PTPRD: variants seen among roughly 807,000 people sequenced by gnomAD.
The protein encoded by PTPRD is protein tyrosine phosphatase receptor type D.
Under a neutral mutation model 214.5 loss-of-function variants are expected in PTPRD, and 34 were observed. The ratio of observed to expected loss-of-function variants is 0.16; its 90% confidence interval spans 0.12 to 0.21. The LOEUF (loss-of-function observed/expected upper bound fraction) is 0.21. PTPRD is among the 10% of genes least tolerant of loss of function. The pLI, the probability that PTPRD is intolerant of heterozygous loss-of-function variation, is 1.00. For missense variants in PTPRD, 2,545 were observed against 2,398.7 expected, an observed-to-expected ratio of 1.06 and a Z score of -1.27; for synonymous variants, 1,128 against 845.7, an observed-to-expected ratio of 1.33 and a Z score of -5.79.
chr9:10,569,296 G>C (rs1044708599), intron 2 of PTPRD, among the ~76,000 whole-genome samples: 26 of 152,144 alleles, frequency 1.7e-4, no homozygotes, highest in African/African-American at 5.8e-4. Context: ...TTTAGAGTAA[G>C]ACTTTACTCT....
intron 9 of PTPRD, among the ~76,000 whole-genome samples, chr9:9,384,679 G>T (rs146226285): frequency 3.0e-3 from 459 of 151,838 alleles, no homozygotes; most frequent in African/African-American, 0.01. Flanking sequence ...GTAGTTGTTG[G>T]TTGTTTGCCA....
chr9:8,928,262 C>G (rs1290854944), intron 11 of PTPRD, among the ~76,000 whole-genome samples: 1 of 152,128 alleles, frequency 6.6e-6, no homozygotes, highest in Non-Finnish European at 1.5e-5. Context: ...ATATTTTAGT[C>G]ATGAAGTCTT....
chr9:8,585,428 A>C (rs1000758963), intron 14 of PTPRD, among the ~76,000 whole-genome samples: 2 of 152,198 alleles, frequency 1.3e-5, no homozygotes, highest in Admixed American at 1.3e-4. Flanking sequence ...TTTTTAAGCC[A>C]CTTTGAGATT....
chr9:9,776,176 T>C (rs1163076625), intron 5 of PTPRD, among the ~76,000 whole-genome samples: 1 of 152,120 alleles, frequency 6.6e-6, no homozygotes, highest in African/African-American at 2.4e-5. Context: ...ACTGAATATG[T>C]ATGTTCTCTT....
chr9:8,416,967 C>T (rs1203698710), intron 35 of PTPRD, among the ~76,000 whole-genome samples: 2 of 151,830 alleles, frequency 1.3e-5, no homozygotes, highest in Non-Finnish European at 2.9e-5. Context: ...ACTTTGAAGA[C>T]AGAGCTCTTA....
At chr9:10,490,712 T>TA (rs2039922848) in intron 2 of PTPRD, among the ~76,000 whole-genome samples, 1 of 152,296 alleles carries the variant, frequency 6.6e-6, no homozygotes, top group East Asian at 1.9e-4. Context: ...CTCTAGTTTT[T>TA]ATCCATGCAT....
At chr9:8,833,700 CTATATATA>C (rs548684582) in intron 11 of PTPRD, among the ~76,000 whole-genome samples, 5 of 139,012 alleles carry the variant, frequency 3.6e-5, no homozygotes, top group East Asian at 2.1e-4. Flanking sequence ...CTCTCTCTCT[CTATATATA>C]TATATATACA....
chr9:9,399,653 T>A (rs1276026118), intron 8 of PTPRD, among the ~76,000 whole-genome samples: 4 of 151,798 alleles, frequency 2.6e-5, no homozygotes, highest in African/African-American at 9.7e-5. Flanking sequence ...GGGGGGCGGG[T>A]CTTTCCCATG....
At chr9:9,023,444 G>A (rs2099576231) in intron 10 of PTPRD, among the ~76,000 whole-genome samples, 1 of 151,916 alleles carries the variant, frequency 6.6e-6, no homozygotes, top group Non-Finnish European at 1.5e-5. Context: ...CCTAGGACCT[G>A]CTCTTTGTGG....
intron 9 of PTPRD, among the ~76,000 whole-genome samples, chr9:9,199,486 C>T (rs2099940607): frequency 6.6e-6 from 1 of 152,108 alleles, no homozygotes; most frequent in Non-Finnish European, 1.5e-5. Flanking sequence ...CAGTGATTTG[C>T]TGCTATGAAG....
At chr9:9,072,614 C>A (rs1428184387) in intron 10 of PTPRD, among the ~76,000 whole-genome samples, 2 of 152,140 alleles carry the variant, frequency 1.3e-5, no homozygotes, top group Non-Finnish European at 2.9e-5. Flanking sequence ...CTCTTATTTG[C>A]CACATACTAT....
intron 30 of PTPRD, among the ~76,000 whole-genome samples, chr9:8,483,881 T>A (rs2096942856): frequency 6.6e-6 from 1 of 152,212 alleles, no homozygotes; most frequent in Non-Finnish European, 1.5e-5. Flanking sequence ...TTCTCCTAAA[T>A]AACACTGTCC....
At chr9:8,955,568 G>A (rs757234564) in intron 11 of PTPRD, among the ~76,000 whole-genome samples, 15 of 151,750 alleles carry the variant, frequency 9.9e-5, no homozygotes, top group Non-Finnish European at 2.1e-4. Flanking sequence ...CTTCCCTTGA[G>A]CCTTTCACAG....
At chr9:9,321,216 C>A (rs957344016) in intron 9 of PTPRD, among the ~76,000 whole-genome samples, 5 of 152,076 alleles carry the variant, frequency 3.3e-5, no homozygotes, top group African/African-American at 1.2e-4. Context: ...ACTATTTGGG[C>A]CCTAAAGACA....
At chr9:8,887,297 C>G (rs937211417) in intron 11 of PTPRD, among the ~76,000 whole-genome samples, 1 of 152,146 alleles carries the variant, frequency 6.6e-6, no homozygotes, top group Non-Finnish European at 1.5e-5. Flanking sequence ...CTGTCAAACA[C>G]AGACATGCAC....
chr9:10,084,357 G>A (rs555248952), intron 3 of PTPRD, among the ~76,000 whole-genome samples: 5 of 151,894 alleles, frequency 3.3e-5, no homozygotes, highest in African/African-American at 7.2e-5. Flanking sequence ...AATGAGGTAC[G>A]CCAAACTGTA....
chr9:10,217,626 A>C (rs923989492), intron 3 of PTPRD, among the ~76,000 whole-genome samples: 12 of 151,966 alleles, frequency 7.9e-5, no homozygotes, highest in Non-Finnish European at 1.6e-4. Context: ...TTCTCTGTCC[A>C]AGAGGAAAAA....
At chr9:9,928,192 G>A (rs1047604388) in intron 5 of PTPRD, among the ~76,000 whole-genome samples, 1 of 152,120 alleles carries the variant, frequency 6.6e-6, no homozygotes, top group African/African-American at 2.4e-5. Flanking sequence ...CATGATGTTA[G>A]CTGCAGCTTA....
rs1406091825 is a variant in PTPRD, at chr9:10,286,502, G to T, written c.-545+54461C>A. On this transcript the variant is annotated intron_variant, in intron 3 of 45. Transcript: ENST00000381196. ...AAAAATTAAATCTCTGATGCAAAAG[G>T]TTCTTAGCCTTAAATCTGCAGGAAA... 2.0e-5 allele frequency among the ~76,000 whole-genome samples: 3 copies of T among 152,032 alleles called. No homozygotes were observed. In the South Asian group the frequency reaches 6.2e-4, roughly 32 times the overall value.
Sources: gnomAD v4.1 joint callset for allele counts (sites outside exome capture counted in the v4.1 genomes callset) on GRCh38, gnomAD v4.1.1 for gene constraint, MANE v1.5 for transcripts, NCBI Gene and HGNC (gene_info 2026-07-23, HGNC 2026-07-21) for gene names.